The following FNIP1 variants were observed in gnomAD, a reference collection of about 807,000 sequenced individuals.
FNIP1 encodes the protein folliculin interacting protein 1.
Under a neutral mutation model 124.5 loss-of-function variants are expected in FNIP1, and 40 were observed. The ratio of observed to expected loss-of-function variants is 0.32; its 90% CI spans 0.25 to 0.42. The LOEUF (loss-of-function observed/expected upper bound fraction) is 0.42, where lower values mean the gene tolerates loss of function less well. Among genes scored for constraint, FNIP1 ranks in the 10% least tolerant of loss-of-function variants. FNIP1 has a pLI of 1.00. For missense variants in FNIP1, 1,176 were observed against 1,403.7 expected (o/e 0.84, Z 2.59); for synonymous variants, 472 against 470.6 (o/e 1.00, Z -0.04).
At chr5:131,728,536 T>C (rs1301004781) in intron 3 of FNIP1, among the ~76,000 whole-genome samples, 1 of 152,144 alleles carries the variant, frequency 6.6e-6, no homozygotes, top group Non-Finnish European at 1.5e-5. Flanking sequence ...CATCAGGTCA[T>C]TCATGTTCTT....
chr5:131,782,848 C>T (rs1353036082), intron 1 of FNIP1, among the ~76,000 whole-genome samples: 2 of 152,164 alleles, frequency 1.3e-5, no homozygotes, highest in Admixed American at 6.5e-5. Flanking sequence ...CTAGGCCAGG[C>T]GTGGTGGTTT....
At chr5:131,727,285 G>GTTTCT (rs1413141274) in intron 3 of FNIP1, among the ~76,000 whole-genome samples, 1 of 152,090 alleles carries the variant, frequency 6.6e-6, no homozygotes, top group African/African-American at 2.4e-5. Flanking sequence ...GGGAGTCTCA[G>GTTTCT]TTTCTTTGTA....
At chr5:131,730,812 G>A in intron 3 of FNIP1, 92 bp downstream of exon 3, 1 of 980,094 alleles carries the variant, frequency 1.0e-6, no homozygotes, top group African/African-American at 1.6e-5. Context: ...GGAAGATAAG[G>A]ACTAATTGCT....
chr5:131,662,995 G>A (rs1269689903), intron 15 of FNIP1, among the ~76,000 whole-genome samples: 1 of 151,920 alleles, frequency 6.6e-6, no homozygotes. Context: ...CACCTGCCTC[G>A]GCCTCCCAAA....
chr5:131,796,930 C>T lies in FNIP1; in HGVS notation c.-9G>A. ...AACAGCGTAGGGGCCATGCTAGCCACGGCCAGGCAGGGGTCGCTCCGCTGG... is the reference window on the plus strand; with the variant it reads ...AACAGCGTAGGGGCCATGCTAGCCATGGCCAGGCAGGGGTCGCTCCGCTGG... On this transcript the variant is annotated 5_prime_UTR_variant, in exon 1 of 18. The change creates a new upstream start codon in the 5' untranslated region. Coordinates refer to ENST00000510461, the MANE Select transcript of FNIP1 (RefSeq NM_133372.3). The T allele has an allele frequency of 6.3e-7, 1 of 1,596,696 alleles. No individual in the cohort carries two copies. The highest frequency in any genetic ancestry group is 8.5e-7 in the Non-Finnish European group (1 of 1,172,256).
Position 131,644,598 on chromosome 5 carries a change from G to C in FNIP1, c.*87C>G. 1 of 1,175,890 alleles carries C rather than the reference G, an allele frequency of 8.5e-7. No homozygotes were observed. Among genetic ancestry groups the C allele is most frequent in the South Asian group, 1.3e-5 (1 of 79,776 alleles). 72.8% of individuals were successfully genotyped at this position (1,175,890 alleles called of 1,614,324 possible). A position where few individuals can be genotyped will look rare whatever the true frequency, so the allele number is the denominator to read the frequency against. ...CTCATTCAGATGGAAGTCTAAAAGG[G>C]AAAAAGAATCTCCATAAATGCATGT... On this transcript the variant is annotated 3_prime_UTR_variant, in exon 18 of 18. Transcript: ENST00000510461.
intron 6 of FNIP1, among the ~76,000 whole-genome samples, chr5:131,715,375 A>G (rs1314728689): frequency 6.6e-6 from 1 of 152,112 alleles, no homozygotes; most frequent in Non-Finnish European, 1.5e-5. Context: ...AGTCCCAGCT[A>G]CTTGGAAGGG....
chr5:131,685,180 G>A (rs977564042), intron 11 of FNIP1, among the ~76,000 whole-genome samples: 1 of 152,004 alleles, frequency 6.6e-6, no homozygotes, highest in Non-Finnish European at 1.5e-5. Flanking sequence ...ATCCCTTGAG[G>A]ACAAGAGTTC....
At chr5:131,736,506 T>C (rs1379707490) in intron 2 of FNIP1, among the ~76,000 whole-genome samples, 1 of 152,214 alleles carries the variant, frequency 6.6e-6, no homozygotes, top group Non-Finnish European at 1.5e-5. Context: ...TGCAGACCAG[T>C]ACCAGTCCAT....
At chr5:131,711,536 T>C (rs750659218) in intron 6 of FNIP1, among the ~76,000 whole-genome samples, 2 of 152,232 alleles carry the variant, frequency 1.3e-5, no homozygotes, top group African/African-American at 2.4e-5. Context: ...CTCTGTCATG[T>C]AGGCTGGAAT....
At chr5:131,737,939 T>C (rs1250141120) in intron 2 of FNIP1, among the ~76,000 whole-genome samples, 1 of 152,224 alleles carries the variant, frequency 6.6e-6, no homozygotes, top group East Asian at 1.9e-4. Flanking sequence ...CAAGACAATT[T>C]TTCTGCAGAC....
intron 11 of FNIP1, among the ~76,000 whole-genome samples, chr5:131,691,048 G>A (rs1371090554): frequency 6.6e-6 from 1 of 152,108 alleles, no homozygotes; most frequent in Admixed American, 6.5e-5. Flanking sequence ...AAAAACAGGA[G>A]AATACACAAT....
chr5:131,766,516 C>T (rs771800506), intron 1 of FNIP1, among the ~76,000 whole-genome samples: 9 of 152,182 alleles, frequency 5.9e-5, no homozygotes, highest in Non-Finnish European at 8.8e-5. Context: ...TAGAAGGTTT[C>T]TGTACTGGTC....
chr5:131,755,465 G>A (rs1040334555), intron 1 of FNIP1, among the ~76,000 whole-genome samples: 2 of 151,442 alleles, frequency 1.3e-5, no homozygotes, highest in Non-Finnish European at 2.9e-5. Flanking sequence ...AAGAAAAATG[G>A]TCTGAGGAGA....
chr5:131,766,250 C>T (rs183349476), intron 1 of FNIP1, among the ~76,000 whole-genome samples: 1 of 152,120 alleles, frequency 6.6e-6, no homozygotes, highest in Admixed American at 6.5e-5. Flanking sequence ...CTATGTGGCC[C>T]AGGCTGGTCT....
intron 1 of FNIP1, among the ~76,000 whole-genome samples, chr5:131,788,287 A>G (rs1315056301): frequency 6.6e-6 from 1 of 152,212 alleles, no homozygotes. Context: ...CTTTAAAATG[A>G]AAGAGGTTAT....
At chr5:131,770,160 G>T (rs1016657234) in intron 1 of FNIP1, among the ~76,000 whole-genome samples, 1 of 152,186 alleles carries the variant, frequency 6.6e-6, no homozygotes, top group Non-Finnish European at 1.5e-5. Flanking sequence ...TAGCAAGCTT[G>T]TATTCTACCC....
chr5:131,691,189 A>G (rs1768469212), intron 11 of FNIP1, among the ~76,000 whole-genome samples: 2 of 152,356 alleles, frequency 1.3e-5, no homozygotes, highest in South Asian at 4.1e-4. Flanking sequence ...AATCAGTAAG[A>G]AAAAGATAAC....
chr5:131,669,885 T>C (rs1412063350), intron 15 of FNIP1, among the ~76,000 whole-genome samples: 1 of 151,150 alleles, frequency 6.6e-6, no homozygotes, highest in Non-Finnish European at 1.5e-5. Context: ...CCATGCAACA[T>C]TGTATTGAAA....
Sources: gnomAD v4.1 joint callset for allele counts (sites outside exome capture counted in the v4.1 genomes callset) on GRCh38, gnomAD v4.1.1 for gene constraint, MANE v1.5 for transcripts, NCBI Gene and HGNC (gene_info 2026-07-23, HGNC 2026-07-21) for gene names.